Variants in COL25A1 observed in about 807,000 individuals in gnomAD.
COL25A1 encodes collagen alpha-1(XXV) chain.
A neutral mutation model predicts 128.4 loss-of-function variants in COL25A1; 103 were observed. The observed-to-expected ratio is 0.80, with a 90% confidence interval of 0.68 to 0.94. COL25A1 has a LOEUF of 0.94. Ranked by LOEUF, COL25A1 falls within the 40% of genes least tolerant of loss-of-function variation. The probability of loss-of-function intolerance (pLI) is 0.00; values close to 1 mark genes in which losing one functional copy is unlikely to be tolerated. For synonymous variants in COL25A1, 279 were observed against 277.2 expected (o/e 1.01, Z -0.06); for missense variants, 745 against 840.0 (o/e 0.89, Z 1.40).
At chr4:108,956,140 G>C (rs958018428) in intron 8 of COL25A1, among the ~76,000 whole-genome samples, 4 of 152,156 alleles carry the variant, frequency 2.6e-5, no homozygotes, top group Admixed American at 6.5e-5. Context: ...TAAAAGGATT[G>C]TTGGTGAAAA....
At chr4:109,050,458 T>C (rs1208279695) in intron 3 of COL25A1, among the ~76,000 whole-genome samples, 2 of 152,096 alleles carry the variant, frequency 1.3e-5, no homozygotes, top group East Asian at 3.8e-4. Flanking sequence ...ATATCATCAA[T>C]AAAGAAAGGG....
chr4:109,115,433 T>C (rs1579414682), intron 3 of COL25A1, among the ~76,000 whole-genome samples: 1 of 152,054 alleles, frequency 6.6e-6, no homozygotes, highest in South Asian at 2.1e-4. Context: ...CTGTCCAAAG[T>C]TGAAGGGCCG....
chr4:108,842,871 G>A (rs1311374667), intron 30 of COL25A1, among the ~76,000 whole-genome samples: 3 of 152,228 alleles, frequency 2.0e-5, no homozygotes, highest in South Asian at 4.1e-4. Context: ...CACACTGGGC[G>A]AGGTGGCTCA....
At chr4:109,298,469 G>A (rs1042190095) in intron 3 of COL25A1, among the ~76,000 whole-genome samples, 2 of 152,122 alleles carry the variant, frequency 1.3e-5, no homozygotes, top group African/African-American at 4.8e-5. Flanking sequence ...TGAGGTCACA[G>A]ACTTGTCTCA....
chr4:109,012,655 G>A (rs1756737078), intron 5 of COL25A1, among the ~76,000 whole-genome samples: 1 of 152,094 alleles, frequency 6.6e-6, no homozygotes, highest in African/African-American at 2.4e-5. Context: ...AGGTCCCCCG[G>A]CACTGCTGGC....
intron 19 of COL25A1, among the ~76,000 whole-genome samples, chr4:108,872,097 C>T (rs2125815014): frequency 6.6e-6 from 1 of 152,222 alleles, no homozygotes; most frequent in South Asian, 2.1e-4. Context: ...TTACTTTCAT[C>T]CCTTCATGAA....
chr4:108,862,608 T>C (rs1163160440), intron 21 of COL25A1, 63 bp from the exon 22 acceptor site: 1 of 1,390,694 alleles, frequency 7.2e-7, no homozygotes, highest in East Asian at 2.3e-5. Flanking sequence ...AACAGAAAAA[T>C]AGAAATTAGC....
At chr4:109,262,170 A>G (rs1441985967) in intron 3 of COL25A1, among the ~76,000 whole-genome samples, 1 of 152,074 alleles carries the variant, frequency 6.6e-6, no homozygotes, top group African/African-American at 2.4e-5. Context: ...CCTCCCACAC[A>G]TTTATTTACC....
intron 3 of COL25A1, among the ~76,000 whole-genome samples, chr4:109,154,816 T>C (rs1771874915): frequency 6.6e-6 from 1 of 152,246 alleles, no homozygotes; most frequent in African/African-American, 2.4e-5. Flanking sequence ...TCTTTTAATT[T>C]AACTTCCCAA....
At chr4:108,905,819 C>T (rs1208295412) in intron 13 of COL25A1, among the ~76,000 whole-genome samples, 2 of 145,402 alleles carry the variant, frequency 1.4e-5, no homozygotes, top group Admixed American at 7.0e-5. Context: ...TAAAATGCAC[C>T]AGAGAACTCT....
intron 6 of COL25A1, among the ~76,000 whole-genome samples, chr4:108,984,064 T>A (rs974748119): frequency 1.3e-5 from 2 of 152,096 alleles, no homozygotes; most frequent in South Asian, 4.1e-4. Flanking sequence ...ATCCCTGAGC[T>A]AGACACAAAG....
intron 3 of COL25A1, among the ~76,000 whole-genome samples, chr4:109,067,178 G>A (rs918521519): frequency 6.6e-6 from 1 of 152,008 alleles, no homozygotes; most frequent in East Asian, 1.9e-4. Context: ...GTTGTGCTTC[G>A]TGTCTTACAC....
At chr4:108,956,350 C>T (rs1750071366) in intron 8 of COL25A1, among the ~76,000 whole-genome samples, 1 of 152,110 alleles carries the variant, frequency 6.6e-6, no homozygotes, top group Non-Finnish European at 1.5e-5. Context: ...GATAATAATA[C>T]TTAACCAGTC....
intron 31 of COL25A1, chr4:108,834,404 T>C (rs987314091): frequency 7.7e-6 from 12 of 1,550,452 alleles, no homozygotes; most frequent in Non-Finnish European, 1.0e-5. Flanking sequence ...TGTGATTTGG[T>C]TGGTAGCAGG....
At chr4:109,020,957 C>T (rs941704831) in intron 5 of COL25A1, among the ~76,000 whole-genome samples, 7 of 152,172 alleles carry the variant, frequency 4.6e-5, no homozygotes, top group African/African-American at 1.7e-4. Flanking sequence ...CACAATGGTG[C>T]AAGAGCATTC....
At chr4:109,256,762 T>C (rs1283942001) in intron 3 of COL25A1, among the ~76,000 whole-genome samples, 1 of 152,184 alleles carries the variant, frequency 6.6e-6, no homozygotes, top group African/African-American at 2.4e-5. Context: ...TCTTTAGGTC[T>C]GAGTTTCTTC....
chr4:109,261,480 A>G (rs958468107), intron 3 of COL25A1, among the ~76,000 whole-genome samples: 4 of 152,100 alleles, frequency 2.6e-5, no homozygotes, highest in Non-Finnish European at 2.9e-5. Context: ...ATGAGCCAAG[A>G]TCGTGCCATG....
intron 35 of COL25A1, among the ~76,000 whole-genome samples, chr4:108,823,711 G>T (rs892106034): frequency 3.9e-5 from 6 of 152,110 alleles, no homozygotes; most frequent in African/African-American, 1.4e-4. Flanking sequence ...CAGTCACACT[G>T]CTTCTCCTCC....
intron 5 of COL25A1, among the ~76,000 whole-genome samples, chr4:109,035,464 T>G (rs1759247751): frequency 6.6e-6 from 1 of 152,184 alleles, no homozygotes; most frequent in Admixed American, 6.5e-5. Flanking sequence ...TTTATAAGAA[T>G]AAAAACTTTC....
Sources: allele counts gnomAD v4.1 joint callset (sites outside exome capture counted in the v4.1 genomes callset), GRCh38; gene constraint gnomAD v4.1.1; transcripts MANE v1.5; gene names NCBI Gene and HGNC (gene_info 2026-07-23, HGNC 2026-07-21).